Variants in RELN observed in about 807,000 individuals in gnomAD.
The protein encoded by RELN is reelin.
Under a neutral mutation model 427.6 loss-of-function variants are expected in RELN, and 108 were observed. That is an observed-to-expected ratio of 0.25 (90% CI 0.22 to 0.30). The LOEUF is 0.30. Ranked by LOEUF, RELN falls within the 10% of genes least tolerant of loss-of-function variation. The pLI, the probability that RELN is intolerant of heterozygous loss-of-function variation, is 1.00. For missense variants in RELN, 3,715 were observed against 4,302.8 expected (o/e 0.86, Z 3.82); for synonymous variants, 1,524 against 1,513.4 (o/e 1.01, Z -0.16).
Position 103,989,470 on chromosome 7 carries a change from G to A in RELN, c.-114C>T. Reference sequence around the variant, plus strand: ...GAGAAGGCGAGAAGAAGGCGGACGGGAGCGGAACGGGCTCGGGAGCGGGCC... The same window carrying A: ...GAGAAGGCGAGAAGAAGGCGGACGGAAGCGGAACGGGCTCGGGAGCGGGCC... On this transcript the variant is annotated 5_prime_UTR_variant, in exon 1 of 65. Transcript: ENST00000428762. This position sits in a 1 kb window ranked among gnomAD's most constrained non-coding sequence, Gnocchi z 4.9. 1 of 923,170 alleles carries A rather than the reference G, an allele frequency of 1.1e-6. No homozygotes were observed. The highest frequency in any genetic ancestry group is 1.5e-6 in the Non-Finnish European group (1 of 677,430). The allele number at this position is 923,170 out of a possible 1,614,324, so 57.2% of individuals were successfully genotyped here.
At chr7:103,935,372 T>G (rs1795958495) in intron 1 of RELN, among the ~76,000 whole-genome samples, 1 of 152,190 alleles carries the variant, frequency 6.6e-6, no homozygotes, top group Admixed American at 6.5e-5. Flanking sequence ...TCATCTTACT[T>G]GACTCCTCTG....
chr7:103,475,953 A>G (rs1021344149), intron 64 of RELN, among the ~76,000 whole-genome samples: 6 of 152,072 alleles, frequency 3.9e-5, no homozygotes, highest in African/African-American at 1.4e-4. Context: ...GGGTCTTGCT[A>G]TGTTGGCCAG....
At chr7:103,585,097 T>C (rs1332362045) in intron 28 of RELN, among the ~76,000 whole-genome samples, 3 of 151,778 alleles carry the variant, frequency 2.0e-5, no homozygotes, top group African/African-American at 7.3e-5. Flanking sequence ...AATGCCTATA[T>C]AAAAAAGATA....
At chr7:103,724,180 T>C (rs1187293784) in intron 7 of RELN, among the ~76,000 whole-genome samples, 2 of 152,118 alleles carry the variant, frequency 1.3e-5, no homozygotes, top group African/African-American at 4.8e-5. Flanking sequence ...TGCTTTTTTT[T>C]TTCGTTGTTT....
rs1395506732 is a variant in RELN at position 103,626,042 on chromosome 7, G to T, written c.2702+3898C>A. On this transcript the variant is annotated intron_variant, in intron 20 of 64. Coordinates refer to ENST00000428762, the MANE Select transcript of RELN (RefSeq NM_005045.4). The surrounding 1 kb of genome is among the most constrained non-coding windows in gnomAD (Gnocchi z 4.4). The stretch of plus-strand genomic sequence containing the variant: ...ATGAAAGACAAAGATGGGATGAATG[G>T]GTAGAAATTCTGGGTGGAGCTAGAA... 6.6e-6 allele frequency among the ~76,000 whole-genome samples: 1 copy of T among 151,948 alleles called. No individual in the cohort carries two copies. The highest frequency in any genetic ancestry group is 1.5e-5 in the Non-Finnish European group (1 of 67,916).
intron 6 of RELN, among the ~76,000 whole-genome samples, chr7:103,730,668 A>T (rs1195810072): frequency 6.6e-6 from 1 of 152,152 alleles, no homozygotes; most frequent in East Asian, 1.9e-4. Flanking sequence ...TAATTATCAG[A>T]TATTACCCAC....
chr7:103,793,901 G>C (rs918091463), intron 3 of RELN, among the ~76,000 whole-genome samples: 1 of 152,018 alleles, frequency 6.6e-6, no homozygotes, highest in African/African-American at 2.4e-5. Flanking sequence ...AGAGTAGCTG[G>C]AACTACAGGT....
intron 5 of RELN, among the ~76,000 whole-genome samples, chr7:103,749,768 A>G (rs1393207955): frequency 6.6e-6 from 1 of 152,216 alleles, no homozygotes; most frequent in African/African-American, 2.4e-5. Flanking sequence ...CAAGGCAGGA[A>G]GGCCAAAATC....
At chr7:103,745,837 C>T (rs561893268) in intron 6 of RELN, among the ~76,000 whole-genome samples, 149 of 152,270 alleles carry the variant, frequency 9.8e-4, no homozygotes, top group Non-Finnish European at 1.6e-3. Context: ...AATGGCCATA[C>T]TGCCCAAGGT....
At chr7:103,906,970 C>T (rs769220334) in intron 2 of RELN, among the ~76,000 whole-genome samples, 2 of 152,112 alleles carry the variant, frequency 1.3e-5, no homozygotes, top group Non-Finnish European at 2.9e-5. Context: ...CCTATTTACA[C>T]AGCCCTAATT....
chr7:103,915,743 ATT>A (rs1795470079), intron 2 of RELN, among the ~76,000 whole-genome samples: 1 of 152,204 alleles, frequency 6.6e-6, no homozygotes, highest in African/African-American at 2.4e-5. Context: ...TACTAAAAAA[ATT>A]TTGTTTACCT....
intron 12 of RELN, among the ~76,000 whole-genome samples, chr7:103,660,814 C>G (rs1203469948): frequency 2.0e-5 from 3 of 152,198 alleles, no homozygotes; most frequent in Admixed American, 1.3e-4. Context: ...GTTCAACCTT[C>G]TAACTCCTTT....
chr7:103,929,397 G>A (rs1030653578), intron 1 of RELN, among the ~76,000 whole-genome samples: 9 of 151,958 alleles, frequency 5.9e-5, no homozygotes, highest in African/African-American at 1.9e-4. Context: ...ACCTTCTTTC[G>A]AATAGCTAGA....
chr7:103,596,411 A>G, intron 25 of RELN, 45 bp downstream of exon 25: 3 of 1,498,426 alleles, frequency 2.0e-6, no homozygotes, highest in Non-Finnish European at 2.8e-6. Flanking sequence ...TTTAACCTTT[A>G]CCATTCCTGG....
intron 52 of RELN, among the ~76,000 whole-genome samples, chr7:103,501,711 T>C (rs909710998): frequency 6.6e-6 from 1 of 152,338 alleles, no homozygotes; most frequent in East Asian, 1.9e-4. Flanking sequence ...ATGTAAATTA[T>C]ACCTCATTAT....
At chr7:103,745,682 T>C (rs1224519732) in intron 6 of RELN, among the ~76,000 whole-genome samples, 1 of 149,764 alleles carries the variant, frequency 6.7e-6, no homozygotes, top group Non-Finnish European at 1.5e-5. Context: ...TCAAAGAGAA[T>C]AAAATACCTA....
intron 49 of RELN, among the ~76,000 whole-genome samples, chr7:103,518,214 C>T (rs1024792804): frequency 3.1e-4 from 47 of 152,076 alleles, no homozygotes; most frequent in African/African-American, 1.1e-3. Flanking sequence ...GACAGCTGAA[C>T]CTATTCTTAA....
chr7:103,758,532 G>A (rs962584597), intron 4 of RELN, among the ~76,000 whole-genome samples: 1 of 151,568 alleles, frequency 6.6e-6, no homozygotes, highest in Non-Finnish European at 1.5e-5. Flanking sequence ...AGTTGAAAAA[G>A]CCAAATTTCT....
chr7:103,773,313 C>A (rs1791641357), intron 4 of RELN, among the ~76,000 whole-genome samples: 1 of 67,442 alleles, frequency 1.5e-5, no homozygotes, highest in Non-Finnish European at 2.6e-5. Flanking sequence ...CCCTCCCTCG[C>A]TCCCTCCGTC....
Sources: gnomAD v4.1 joint callset for allele counts (sites outside exome capture counted in the v4.1 genomes callset) on GRCh38, gnomAD v4.1.1 for gene constraint, Gnocchi (gnomAD v3.1) non-coding constraint, MANE v1.5 for transcripts, NCBI Gene and HGNC (gene_info 2026-07-23, HGNC 2026-07-21) for gene names.